RP1: variants seen among roughly 807,000 people sequenced by gnomAD.
The protein encoded by RP1 is oxygen-regulated protein 1.
A neutral mutation model predicts 14.8 loss-of-function variants in RP1; 16 were observed. That is an observed-to-expected ratio of 1.08 (90% CI 0.73 to 1.65). RP1 has a LOEUF of 1.65. Among genes scored for constraint, RP1 ranks in the 40% most tolerant of loss-of-function variants. The pLI is 0.00. For synonymous variants in RP1, 876 were observed against 883.6 expected (o/e 0.99, Z 0.15); for missense variants, 2,631 against 2,535.0 (o/e 1.04, Z -0.81).
At chr8:54,681,108 A>G (rs114551804) in intron 12 of RP1, among the ~76,000 whole-genome samples, 1,676 of 152,270 alleles carry the variant, frequency 0.011, 31 homozygotes, top group African/African-American at 0.038. Flanking sequence ...AAATCAGTCA[A>G]AGTGGCCCTT....
chr8:54,787,879 C>G (rs1040502804), intron 24 of RP1, among the ~76,000 whole-genome samples: 4 of 152,170 alleles, frequency 2.6e-5, no homozygotes, highest in Non-Finnish European at 4.4e-5. Context: ...CAACTCTGCT[C>G]TTTACTATAT....
rs118003683 is a variant in RP1 at position 54,839,684 on chromosome 8, C to T, written c.3835+2015C>T. Among the ~76,000 whole-genome samples the T allele has an allele frequency of 4.9e-4, 74 of 152,230 alleles. 1 individual carries two copies. In the East Asian group the frequency reaches 0.011, roughly 23 times the overall value. ...CTGGGCTTCTCTCCACCAGCATCTCCTTGATTAGCCTTATATCCCAGCTGG... is the reference window on the plus strand; with the variant it reads ...CTGGGCTTCTCTCCACCAGCATCTCTTTGATTAGCCTTATATCCCAGCTGG... On this transcript the variant is annotated intron_variant, in intron 25 of 28. Transcript: ENST00000637698.
chr8:54,638,443 A>AG (rs1806393401), intron 3 of RP1, among the ~76,000 whole-genome samples: 2 of 152,060 alleles, frequency 1.3e-5, no homozygotes, highest in African/African-American at 4.8e-5. Flanking sequence ...ATCTCAAAAA[A>AG]AAAAAAAAAA....
intron 24 of RP1, among the ~76,000 whole-genome samples, chr8:54,828,218 C>A (rs1046522346): frequency 6.6e-6 from 1 of 152,072 alleles, no homozygotes; most frequent in Non-Finnish European, 1.5e-5. Flanking sequence ...ATATATAAAC[C>A]AGTAGCATAG....
chr8:54,565,012 T>G (rs1804369944), intron 1 of RP1, among the ~76,000 whole-genome samples: 1 of 152,146 alleles, frequency 6.6e-6, no homozygotes, highest in South Asian at 2.1e-4. Flanking sequence ...TGCCTCTGCC[T>G]CCCAAAGTGT....
At chr8:54,633,735 CTCTATA>C (rs1043448627), downstream of RP1, among the ~76,000 whole-genome samples, 31 of 126,490 alleles carry the variant, frequency 2.5e-4, no homozygotes, top group Middle Eastern at 4.2e-3. Flanking sequence ...CTCTCTCTCT[CTCTATA>C]TATATATATA....
At chr8:54,577,407 A>G (rs1429222484) in intron 1 of RP1, among the ~76,000 whole-genome samples, 1 of 152,220 alleles carries the variant, frequency 6.6e-6, no homozygotes, top group Non-Finnish European at 1.5e-5. Flanking sequence ...TTTGTGATTT[A>G]TATGTAAGAG....
In RP1 at chr8:54,626,841, T is replaced by C. The variant is rs1265593864; in HGVS notation, c.2959T>C (p.Cys987Arg). ...KIAGLTGDNL[C>R]KEGDKSFIAN... The stretch of plus-strand genomic sequence containing the variant: ...TGCCGGTTTGACAGGAGATAATCTA[T>C]GTAAAGAGGGAGATAAGTCTTTTAT... Residue 987 changes from cysteine (C) to arginine (R), a missense_variant, in exon 4 of 4, where the codon TGT becomes CGT. Coordinates refer to ENST00000220676, the MANE Select transcript of RP1 (RefSeq NM_006269.2). The C allele has an allele frequency of 1.2e-6, 2 of 1,613,698 alleles. No individual in the cohort carries two copies. Among genetic ancestry groups the C allele is most frequent in the Admixed American group, 1.7e-5 (1 of 60,010 alleles).
rs971804631 is a variant in RP1 at position 54,737,226 on chromosome 8, T to C, written c.2722-1717T>C. On this transcript the variant is annotated intron_variant, in intron 18 of 22. Transcript: ENST00000636932. ...TTTAAAGTAGACACTTAAAAGAGCC[T>C]TACCCTTCACAGGGTGACTGTGTGG... Among the ~76,000 whole-genome samples the C allele has an allele frequency of 3.3e-5, 5 of 152,196 alleles. No individual in the cohort carries two copies. The South Asian group carries it at 6.2e-4, about 19-fold the overall frequency.
chr8:54,805,617 C>G lies in RP1; in HGVS notation c.3615+21907C>G, dbSNP rs13278317. ...TATACAGCTGGAAAATGCAAGCAAC[C>G]TGGTTGGACTCTGGGTGTTTTGTTG... On this transcript the variant is annotated intron_variant, in intron 24 of 28. Coordinates refer to the RP1 transcript ENST00000637698. 5.0e-3 allele frequency among the ~76,000 whole-genome samples: 756 copies of G among 152,224 alleles called. 1 individual carries two copies. The highest frequency in any genetic ancestry group is 0.017 in the Middle Eastern group (5 of 294).
intron 15 of RP1, among the ~76,000 whole-genome samples, chr8:54,707,722 TC>T (rs1808185178): frequency 6.6e-6 from 1 of 152,206 alleles, no homozygotes; most frequent in South Asian, 2.1e-4. Flanking sequence ...CTTTCATGGT[TC>T]CCAGGGTCCC....
intron 15 of RP1, among the ~76,000 whole-genome samples, chr8:54,716,977 G>A (rs1808418496): frequency 6.6e-6 from 1 of 152,132 alleles, no homozygotes; most frequent in African/African-American, 2.4e-5. Context: ...TCAACTCCAA[G>A]TGGAGTTGTC....
At chr8:54,738,915 A>T (rs1349046976) in intron 18 of RP1, 7 of 1,373,018 alleles carry the variant, frequency 5.1e-6, no homozygotes, top group African/African-American at 2.9e-5. Flanking sequence ...AATTCTGATA[A>T]TTTTTTTCTC....
intron 25 of RP1, among the ~76,000 whole-genome samples, chr8:54,851,198 T>C (rs1036152010): frequency 6.6e-6 from 1 of 152,202 alleles, no homozygotes; most frequent in Non-Finnish European, 1.5e-5. Context: ...GGAAGCTGCA[T>C]GATTTCATTA....
chr8:54,796,905 G>A (rs1378867854), intron 24 of RP1, among the ~76,000 whole-genome samples: 3 of 152,170 alleles, frequency 2.0e-5, no homozygotes, highest in Non-Finnish European at 4.4e-5. Context: ...CAAAGAGGAT[G>A]TTAGTGCCTT....
At chr8:54,786,142 C>A (rs1418108212) in intron 24 of RP1, among the ~76,000 whole-genome samples, 2 of 152,006 alleles carry the variant, frequency 1.3e-5, no homozygotes, top group Middle Eastern at 3.2e-3. Context: ...TCTTTCAAAT[C>A]GGACTGAAGA....
chr8:54,739,006 C>T lies in RP1; in HGVS notation c.2785C>T (p.Gln929Ter). The T allele has an allele frequency of 2.0e-6, 3 of 1,530,764 alleles. No homozygotes were observed. The highest frequency in any genetic ancestry group is 1.7e-4 in the Middle Eastern group (1 of 5,966). 94.8% of individuals were successfully genotyped at this position (1,530,764 alleles called of 1,614,324 possible). The change falls in exon 19 of 23, where the codon CAA becomes TAA. Residue 929 changes from glutamine (Q) to a stop codon, truncating the protein, a stop_gained. Coordinates refer to the RP1 transcript ENST00000636932. LOFTEE classifies it high-confidence loss of function. ...GATAGGACATGATGGAACCAGTGAG[C>T]AACCCGAGTGGAACTTGCAGAGGGT... is the stretch of plus-strand genomic sequence containing the variant.
rs578059480 is a variant in RP1 at position 54,848,847 on chromosome 8, C to G, written c.3836-3727C>G. ...CACTGCAACCTCCACCTCCTGGGTT[C>G]AAGCTATTCTCCCACCTCAGCCTCC... On this transcript the variant is annotated intron_variant, in intron 25 of 28. Transcript: ENST00000637698. Among the ~76,000 whole-genome samples, 11 of 152,266 alleles carry G rather than the reference C, an allele frequency of 7.2e-5. No homozygotes were observed. The East Asian group carries it at 2.1e-3, about 29-fold the overall frequency.
intron 1 of RP1, among the ~76,000 whole-genome samples, chr8:54,601,834 G>T (rs904650133): frequency 2.0e-5 from 3 of 152,202 alleles, no homozygotes; most frequent in Admixed American, 6.5e-5. Context: ...AGCCATAAAA[G>T]ATCACATATG....
Sources: allele counts gnomAD v4.1 joint callset (sites outside exome capture counted in the v4.1 genomes callset), GRCh38; gene constraint gnomAD v4.1.1; transcripts MANE v1.5; gene names NCBI Gene and HGNC (gene_info 2026-07-23, HGNC 2026-07-21).